Variants in VASH2 observed in about 807,000 individuals in gnomAD.
VASH2 encodes vasohibin 2.
VASH2 carries 28 observed loss-of-function variants against 37.2 expected under a neutral mutation model. That is an observed-to-expected ratio of 0.75 (90% CI 0.56 to 1.03). VASH2 has a LOEUF of 1.03. Ranked by LOEUF, VASH2 falls within the 50% of genes least tolerant of loss-of-function variation. The pLI is 0.00. For missense variants in VASH2, 419 were observed against 459.1 expected, an observed-to-expected ratio of 0.91 and a Z score of 0.80; for synonymous variants, 188 against 174.7, an observed-to-expected ratio of 1.08 and a Z score of -0.60.
chr1:212,987,117 GA>G (rs1667500692), intron 7 of VASH2, among the ~76,000 whole-genome samples: 1 of 152,140 alleles, frequency 6.6e-6, no homozygotes. Flanking sequence ...GCTTTAGCTA[GA>G]AGCTAGCTGT....
intron 7 of VASH2, among the ~76,000 whole-genome samples, chr1:212,981,433 G>A (rs934738578): frequency 2.6e-5 from 4 of 152,162 alleles, no homozygotes; most frequent in East Asian, 1.9e-4. Flanking sequence ...CTGCCTCTGC[G>A]GCCTACCCAG....
Position 212,969,038 on chromosome 1 carries a change from C to T in VASH2, c.497+2693C>T, listed in dbSNP as rs910134048. The T allele has an allele frequency of 3.0e-6, 3 of 985,332 alleles. No homozygotes were observed. In the African/African-American group the frequency reaches 5.2e-5, roughly 17 times the overall value. 61.0% of individuals were successfully genotyped at this position (985,332 alleles called of 1,614,324 possible). Reference sequence around the variant, plus strand: ...CCCAGGAACAGCCTTTGAGCCTGTCCAAATCAGAGACAGTGTGCTCGTGGT... The same window carrying T: ...CCCAGGAACAGCCTTTGAGCCTGTCTAAATCAGAGACAGTGTGCTCGTGGT... On this transcript the variant is annotated intron_variant, in intron 5 of 7. Transcript: ENST00000517399.
chr1:212,951,466 C>A lies in VASH2; in HGVS notation c.-77C>A. On this transcript the variant is annotated 5_prime_UTR_variant, in exon 2 of 8. Transcript: ENST00000517399. The surrounding 1 kb of genome is among the most constrained non-coding windows in gnomAD (Gnocchi z 4.4). Reference sequence around the variant, plus strand: ...CGCTGATCCCCTCGCCGCGCCCGCGCGCACACGCCCCCCGCCGCCGCCGCC... The same window carrying A: ...CGCTGATCCCCTCGCCGCGCCCGCGAGCACACGCCCCCCGCCGCCGCCGCC... The A allele has an allele frequency of 1.1e-6, 1 of 918,554 alleles. No individual in the cohort carries two copies. Among genetic ancestry groups the A allele is most frequent in the Non-Finnish European group, 1.3e-6 (1 of 748,786 alleles). The allele number at this position is 918,554 out of a possible 1,614,324, so 56.9% of individuals were successfully genotyped here.
chr1:212,974,061 G>A lies in VASH2; in HGVS notation c.986G>A (p.Arg329Gln), dbSNP rs60032955. The change falls in exon 7 of 8, where the codon CGA becomes CAA. Residue 329 changes from arginine (R) to glutamine (Q), a missense_variant. Physicochemically the swap from Arg to Gln is conservative, Grantham distance 43. This residue lies in a region of VASH2 where 177 missense variants were observed against 166.2 expected (regional missense o/e 1.06). Coordinates refer to ENST00000517399, the MANE Select transcript of VASH2 (RefSeq NM_001301056.2). ...AGCCCCCCGAGGAGGCTCGGCCGGCGAGAGAAGTCGTGAGTAATATTTCCT... is the reference window on the plus strand; with the variant it reads ...AGCCCCCCGAGGAGGCTCGGCCGGCAAGAGAAGTCGTGAGTAATATTTCCT... ...QASPPRRLGR[R>Q]EKSPALPEKK... The A allele has an allele frequency of 5.8e-4, 936 of 1,612,454 alleles. No individual in the cohort carries two copies. In the African/African-American group the frequency reaches 8.1e-3, roughly 14 times the overall value.
chr1:212,961,897 G>T (rs1166192597), intron 3 of VASH2, among the ~76,000 whole-genome samples: 3 of 152,222 alleles, frequency 2.0e-5, no homozygotes, highest in Non-Finnish European at 4.4e-5. Flanking sequence ...ACCACACGGA[G>T]CCCTCCACTG....
At chr1:212,986,002 G>T (rs1005027404) in intron 7 of VASH2, among the ~76,000 whole-genome samples, 1 of 152,202 alleles carries the variant, frequency 6.6e-6, no homozygotes, top group African/African-American at 2.4e-5. Flanking sequence ...AAGAAGGGAA[G>T]AATGGATGTT....
At chr1:212,961,340 G>A in intron 3 of VASH2, 86 bp downstream of exon 3, 2 of 1,602,146 alleles carry the variant, frequency 1.2e-6, no homozygotes, top group East Asian at 4.5e-5. Context: ...GTCCCCAGCT[G>A]GTCATCAAAA....
At position 212,989,484 on chromosome 1, in the gene VASH2, T is replaced by A. The variant is rs1018705424; in HGVS notation, c.*900T>A. ...AGAGACCAGGAGTGATCAGCAGGTC[T>A]TCAGAACCAAAAAACCTTTCTGTTC... On this transcript the variant is annotated 3_prime_UTR_variant, in exon 8 of 8. Transcript: ENST00000517399. 5 of 152,176 alleles carry A rather than the reference T, an allele frequency of 3.3e-5. No homozygotes were observed. The highest frequency in any genetic ancestry group is 1.2e-4 in the African/African-American group (5 of 41,424). The allele number at this position is 152,176 out of a possible 1,614,324, so 9.4% of individuals were successfully genotyped here.
chr1:212,951,607 C>T lies in VASH2; in HGVS notation c.65C>T (p.Ser22Phe). The T allele has an allele frequency of 6.4e-7, 1 of 1,556,412 alleles. No individual in the cohort carries two copies. The change falls in exon 2 of 8, where the codon TCC becomes TTC. Residue 22 changes from serine (S) to phenylalanine (F), a missense_variant. Coordinates refer to ENST00000517399, the MANE Select transcript of VASH2 (RefSeq NM_001301056.2). The surrounding 1 kb of genome is among the most constrained non-coding windows in gnomAD (Gnocchi z 4.4). Reference sequence around the variant, plus strand: ...CCCAAAGGCGCCAAAGGCACCCGGTCCCGGAGCAGCCACGCGCGGCCCGTG... The same window carrying T: ...CCCAAAGGCGCCAAAGGCACCCGGTTCCGGAGCAGCCACGCGCGGCCCGTG... ...PHPKGAKGTR[S>F]RSSHARPVSL...
intron 2 of VASH2, among the ~76,000 whole-genome samples, chr1:212,955,068 G>T (rs1666442330): frequency 6.6e-6 from 1 of 152,184 alleles, no homozygotes; most frequent in Non-Finnish European, 1.5e-5. Context: ...TTCCTCTGGG[G>T]TCAAGTCCTT....
In VASH2 at chr1:212,991,038, T is replaced by TTAACAACTTTTTA. The variant is rs1355804399; in HGVS notation, c.*2454_*2455insTAACAACTTTTTA. On this transcript the variant is annotated 3_prime_UTR_variant, in exon 8 of 8. Coordinates refer to ENST00000517399, the MANE Select transcript of VASH2 (RefSeq NM_001301056.2). ...TGATTTGAAATCGGTTTTAAAAAGT[T>TTAACAACTTTTTA]GTTAGTGCAAGAGAAATTTTATGTT... The TTAACAACTTTTTA allele has an allele frequency of 2.0e-5, 3 of 152,210 alleles. No individual in the cohort carries two copies. Among genetic ancestry groups the TTAACAACTTTTTA allele is most frequent in the African/African-American group, 7.2e-5 (3 of 41,454 alleles). 9.4% of individuals were successfully genotyped at this position (152,210 alleles called of 1,614,324 possible). A position where few individuals can be genotyped will look rare whatever the true frequency, so the allele number is the denominator to read the frequency against.
At position 212,989,292 on chromosome 1, in the gene VASH2, GTT is replaced by G. The variant is rs1333155540; in HGVS notation, c.*712_*713del. 6.6e-5 allele frequency: 10 copies of G among 152,188 alleles called. No homozygotes were observed. 9.4% of individuals were successfully genotyped at this position (152,188 alleles called of 1,614,324 possible). ...AATCTTTCTTAAAGCATTCACTGAT[GTT>G]TTTGTTTTTTCAAAATGAAACAAAA... On this transcript the variant is annotated 3_prime_UTR_variant, in exon 8 of 8. Coordinates refer to ENST00000517399, the MANE Select transcript of VASH2 (RefSeq NM_001301056.2).
At chr1:212,954,794 T>G (rs1666432872) in intron 2 of VASH2, among the ~76,000 whole-genome samples, 1 of 152,198 alleles carries the variant, frequency 6.6e-6, no homozygotes, top group Admixed American at 6.5e-5. Flanking sequence ...GAAAACTGCT[T>G]CCAAGCCAGG....
intron 7 of VASH2, among the ~76,000 whole-genome samples, chr1:212,980,892 C>A (rs1025079204): frequency 5.9e-5 from 9 of 152,184 alleles, no homozygotes; most frequent in Non-Finnish European, 8.8e-5. Context: ...AGTTTCTACT[C>A]CAGTGACTGC....
At chr1:212,970,887 C>T (rs1666991671) in intron 5 of VASH2, among the ~76,000 whole-genome samples, 1 of 147,728 alleles carries the variant, frequency 6.8e-6, no homozygotes, top group Admixed American at 7.0e-5. Context: ...GAGACTGTGT[C>T]TCAAAAAAAT....
At chr1:212,967,045 C>A in intron 5 of VASH2, 2 of 1,263,888 alleles carry the variant, frequency 1.6e-6, no homozygotes, top group Non-Finnish European at 2.1e-6. Flanking sequence ...GCGCCTGGCT[C>A]GCCAGGGAAA....
intron 7 of VASH2, among the ~76,000 whole-genome samples, chr1:212,981,616 T>G (rs976150690): frequency 1.1e-4 from 16 of 152,148 alleles, no homozygotes; most frequent in African/African-American, 3.6e-4. Flanking sequence ...ACGTTTACAG[T>G]GGCACTTTTC....
chr1:212,955,315 C>T (rs1666454348), intron 2 of VASH2, among the ~76,000 whole-genome samples: 1 of 152,178 alleles, frequency 6.6e-6, no homozygotes, highest in Non-Finnish European at 1.5e-5. Flanking sequence ...GTAACTTCTG[C>T]CTGAAGGTCC....
intron 7 of VASH2, among the ~76,000 whole-genome samples, chr1:212,982,943 C>A (rs1237418114): frequency 1.3e-5 from 2 of 152,236 alleles, no homozygotes; most frequent in Non-Finnish European, 2.9e-5. Context: ...GTAAAGCAAA[C>A]CCACTCCAAT....
Sources: gnomAD v4.1 joint callset for allele counts (sites outside exome capture counted in the v4.1 genomes callset) on GRCh38, gnomAD v4.1.1 for gene constraint, gnomAD v4.1.1 regional missense constraint, Gnocchi (gnomAD v3.1) non-coding constraint, MANE v1.5 for transcripts, NCBI Gene and HGNC (gene_info 2026-07-23, HGNC 2026-07-21) for gene names.